PRKACB: variants seen among roughly 807,000 people sequenced by gnomAD.
The protein encoded by PRKACB is protein kinase cAMP-activated catalytic subunit beta.
In PRKACB, 16 loss-of-function variants were observed where a neutral mutation model predicts 51.4. The observed-to-expected ratio is 0.31, with a 90% confidence interval of 0.21 to 0.47. PRKACB has a LOEUF of 0.47. PRKACB is among the 20% of genes least tolerant of loss of function. PRKACB has a pLI of 1.00. For missense variants in PRKACB, 309 were observed against 464.5 expected (o/e 0.67, Z 3.08); for synonymous variants, 147 against 154.4 (o/e 0.95, Z 0.35).
intron 1 of PRKACB, among the ~76,000 whole-genome samples, chr1:84,148,964 C>T (rs1437522762): frequency 6.6e-6 from 1 of 152,132 alleles, no homozygotes; most frequent in Admixed American, 6.6e-5. Context: ...TTAGCATCTC[C>T]TGGGAGCTTG....
At chr1:84,170,943 A>C (rs77797819) in intron 1 of PRKACB, among the ~76,000 whole-genome samples, 4,351 of 151,672 alleles carry the variant, frequency 0.029, 227 homozygotes, top group African/African-American at 0.098. Flanking sequence ...CAAAATTAAT[A>C]ATATGACTAA....
chr1:84,124,409 C>A (rs1328566154), intron 1 of PRKACB, among the ~76,000 whole-genome samples: 2 of 152,132 alleles, frequency 1.3e-5, no homozygotes, highest in Admixed American at 6.5e-5. Context: ...AACTTTACAG[C>A]CTTTCATATC....
chr1:84,113,963 A>G (rs533203366), intron 1 of PRKACB, among the ~76,000 whole-genome samples: 1 of 152,304 alleles, frequency 6.6e-6, no homozygotes, highest in South Asian at 2.1e-4. Context: ...TTACATTTAA[A>G]ACTGGCGAAA....
At chr1:84,176,685 C>T (rs1335106130) in intron 1 of PRKACB, among the ~76,000 whole-genome samples, 1 of 151,576 alleles carries the variant, frequency 6.6e-6, no homozygotes, top group Non-Finnish European at 1.5e-5. Flanking sequence ...TTAATGTACT[C>T]GAAAAGAAAA....
At chr1:84,136,341 C>G (rs1048759120) in intron 1 of PRKACB, among the ~76,000 whole-genome samples, 3 of 151,890 alleles carry the variant, frequency 2.0e-5, no homozygotes, top group Non-Finnish European at 2.9e-5. Context: ...AACAAACAAC[C>G]CTATTAAAAA....
At chr1:84,192,385 T>G (rs760809453) in intron 5 of PRKACB, among the ~76,000 whole-genome samples, 2 of 152,172 alleles carry the variant, frequency 1.3e-5, no homozygotes, top group Non-Finnish European at 2.9e-5. Flanking sequence ...GAAGGTAAGA[T>G]TGTTGCCATT....
At chr1:84,117,471 ATC>A (rs1650726784) in intron 1 of PRKACB, among the ~76,000 whole-genome samples, 1 of 151,960 alleles carries the variant, frequency 6.6e-6, no homozygotes, top group Non-Finnish European at 1.5e-5. Context: ...TACTGATTCA[ATC>A]TCTCTGCTTG....
intron 1 of PRKACB, among the ~76,000 whole-genome samples, chr1:84,120,806 T>C (rs937636214): frequency 2.0e-5 from 3 of 152,064 alleles, no homozygotes; most frequent in African/African-American, 7.2e-5. Context: ...TAATTGATAG[T>C]CATAGATTCA....
upstream of PRKACB, chr1:84,144,142 A>C (rs1653714756): frequency 1.2e-6 from 1 of 856,016 alleles, no homozygotes; most frequent in East Asian, 3.5e-5. Flanking sequence ...AGATATTGCA[A>C]GTTTTTAAAA....
Position 84,105,625 on chromosome 1 carries a change from G to T in PRKACB, c.46+27254G>T, listed in dbSNP as rs563285115. Among the ~76,000 whole-genome samples, 13 of 151,880 alleles carry T rather than the reference G, an allele frequency of 8.6e-5. No individual in the cohort carries two copies. In the East Asian group the frequency reaches 1.2e-3, roughly 14 times the overall value. On this transcript the variant is annotated intron_variant, in intron 1 of 8. Transcript: ENST00000370688. ...GGGTCTCCTTCTGTCACCCAGGCTG[G>T]AGTGCAGTGGTACGATCACAGCTCA...
Position 84,144,461 on chromosome 1 carries a change from T to A in PRKACB, c.100T>A (p.Ser34Thr), listed in dbSNP as rs777281034. 6 of 1,612,952 alleles carry A rather than the reference T, an allele frequency of 3.7e-6. No homozygotes were observed. The South Asian group carries it at 4.4e-5, about 12-fold the overall frequency. The change falls in exon 1 of 10, where the codon TCT (serine) becomes ACT (threonine). Residue 34 changes from serine to threonine, a missense_variant. Ser to Thr is a moderately conservative substitution (Grantham distance 58, BLOSUM62 1). Transcript: ENST00000370685. ...TGCTAGCCGGTTATTTCATAGACAC[T>A]CTAAAGGTACTGCACATGATCAGAA... ...GFASRLFHRH[S>T]KGTAHDQKTA...
At chr1:84,117,901 T>C (rs1351465976) in intron 1 of PRKACB, among the ~76,000 whole-genome samples, 1 of 152,218 alleles carries the variant, frequency 6.6e-6, no homozygotes, top group African/African-American at 2.4e-5. Context: ...ATCTTTCTAC[T>C]TTTTTGATAA....
chr1:84,183,443 A>G (rs1310906130), intron 3 of PRKACB, among the ~76,000 whole-genome samples: 1 of 151,862 alleles, frequency 6.6e-6, no homozygotes, highest in Non-Finnish European at 1.5e-5. Flanking sequence ...GCAATATAAA[A>G]TAAATTTTTA....
At chr1:84,161,121 T>C (rs1343701140) in intron 1 of PRKACB, among the ~76,000 whole-genome samples, 1 of 151,866 alleles carries the variant, frequency 6.6e-6, no homozygotes, top group African/African-American at 2.4e-5. Context: ...TTCTGTCCGT[T>C]TTTATTTTAG....
upstream of PRKACB, among the ~76,000 whole-genome samples, chr1:84,141,101 A>C (rs958661441): frequency 1.3e-5 from 2 of 152,098 alleles, no homozygotes; most frequent in African/African-American, 2.4e-5. Flanking sequence ...CAACTCTGAA[A>C]ATTTCTATAA....
At chr1:84,133,649 A>G (rs1448316614) in intron 1 of PRKACB, among the ~76,000 whole-genome samples, 1 of 152,192 alleles carries the variant, frequency 6.6e-6, no homozygotes, top group Non-Finnish European at 1.5e-5. Context: ...TCACTCGCTC[A>G]GATCTGCTGC....
rs111304426 is a variant in PRKACB, at chr1:84,108,855, G to A, written c.46+30484G>A. ...GATAATCTTCTGTAAGGAATTTGTC[G>A]TACAGTCAGTATGTTAAATGTATTA... On this transcript the variant is annotated intron_variant, in intron 1 of 8. Transcript: ENST00000370688. Among the ~76,000 whole-genome samples the A allele has an allele frequency of 5.7e-3, 865 of 151,890 alleles. 5 individuals carry two copies. Among genetic ancestry groups the A allele is most frequent in the African/African-American group, 0.015 (615 of 41,454 alleles).
chr1:84,231,163 G>A (rs1263805983), intron 9 of PRKACB, among the ~76,000 whole-genome samples: 1 of 151,978 alleles, frequency 6.6e-6, no homozygotes. Context: ...GGCCTTTTCT[G>A]CATCTATTGA....
At chr1:84,164,219 G>T (rs1335130051) in intron 1 of PRKACB, 1 of 1,379,226 alleles carries the variant, frequency 7.3e-7, no homozygotes, top group Non-Finnish European at 9.5e-7. Context: ...CATTTGTGCT[G>T]CAGTATAGCT....
Sources: gnomAD v4.1 joint callset for allele counts (sites outside exome capture counted in the v4.1 genomes callset) on GRCh38, gnomAD v4.1.1 for gene constraint, MANE v1.5 for transcripts, NCBI Gene and HGNC (gene_info 2026-07-23, HGNC 2026-07-21) for gene names.